The following FAM135A variants were observed in gnomAD, a reference collection of about 807,000 sequenced individuals.
FAM135A encodes the protein family with sequence similarity 135 member A.
FAM135A carries 79 observed loss-of-function variants against 146.8 expected under a neutral mutation model. That is an observed-to-expected ratio of 0.54 (90% CI 0.45 to 0.65). The LOEUF (loss-of-function observed/expected upper bound fraction) is 0.65. Among genes scored for constraint, FAM135A ranks in the 30% least tolerant of loss-of-function variants. FAM135A has a pLI of 0.00. For missense variants in FAM135A, 1,623 were observed against 1,758.2 expected (o/e 0.92, Z 1.38); for synonymous variants, 562 against 603.6 (o/e 0.93, Z 1.01).
chr6:70,438,773 C>T (rs957016200), intron 4 of FAM135A, among the ~76,000 whole-genome samples: 6 of 152,110 alleles, frequency 3.9e-5, no homozygotes, highest in African/African-American at 1.2e-4. Flanking sequence ...TTATCTGTGA[C>T]GTTGTGAAGA....
intron 11 of FAM135A, among the ~76,000 whole-genome samples, chr6:70,498,211 A>G (rs1458530723): frequency 6.6e-6 from 1 of 152,124 alleles, no homozygotes; most frequent in Non-Finnish European, 1.5e-5. Flanking sequence ...GGGAGGCTGT[A>G]TGTGTCCAGG....
intron 8 of FAM135A, among the ~76,000 whole-genome samples, chr6:70,478,866 A>G (rs2128170754): frequency 6.6e-6 from 1 of 152,124 alleles, no homozygotes; most frequent in East Asian, 1.9e-4. Context: ...ATAAACTTAA[A>G]ATTTTTTTGG....
chr6:70,510,013 T>C (rs981874698), intron 12 of FAM135A, among the ~76,000 whole-genome samples: 2 of 152,082 alleles, frequency 1.3e-5, no homozygotes, highest in Non-Finnish European at 2.9e-5. Flanking sequence ...GTCAACTTGG[T>C]GGTATAAAAT....
At chr6:70,475,053 A>G (rs1393645206) in intron 5 of FAM135A, among the ~76,000 whole-genome samples, 1 of 152,164 alleles carries the variant, frequency 6.6e-6, no homozygotes, top group African/African-American at 2.4e-5. Flanking sequence ...CTGAACTCCT[A>G]GCAACCAGTA....
intron 4 of FAM135A, among the ~76,000 whole-genome samples, chr6:70,435,702 A>G (rs529086257): frequency 3.5e-4 from 54 of 152,200 alleles, no homozygotes; most frequent in African/African-American, 1.3e-3. Context: ...TTTTAACAAA[A>G]TTATCTTAAA....
chr6:70,490,338 G>A (rs1420545861), intron 10 of FAM135A, among the ~76,000 whole-genome samples: 1 of 151,964 alleles, frequency 6.6e-6, no homozygotes, highest in African/African-American at 2.4e-5. Flanking sequence ...ATTCCTCCCT[G>A]CCAAAAATAA....
Position 70,480,888 on chromosome 6 carries a change from C to T in FAM135A, c.543-13C>T, listed in dbSNP as rs749043591. 3.7e-6 allele frequency: 6 copies of T among 1,600,472 alleles called. No homozygotes were observed. The highest frequency in any genetic ancestry group is 5.1e-6 in the Non-Finnish European group (6 of 1,175,508). Reference sequence around the variant, plus strand: ...CTCGTATGACAATAATAATGTAATACTTCTTCCTCCAGCTTTCCTCGCCCT... The same window carrying T: ...CTCGTATGACAATAATAATGTAATATTTCTTCCTCCAGCTTTCCTCGCCCT... On this transcript the variant is annotated splice_polypyrimidine_tract_variant and intron_variant, in intron 8 of 21. Coordinates refer to ENST00000418814, the MANE Select transcript of FAM135A (RefSeq NM_001162529.3).
In FAM135A at chr6:70,452,487, T is replaced by G. The variant is rs1371254855; in HGVS notation, c.78-5T>G. On this transcript the variant is annotated splice_region_variant and splice_polypyrimidine_tract_variant and intron_variant, in intron 4 of 21. Coordinates refer to ENST00000418814, the MANE Select transcript of FAM135A (RefSeq NM_001162529.3). ...GAAATAACTTCCTTGTTTATTTTGC[T>G]TTAGTTTTTACCAGATTCGTGCTTC... The G allele has an allele frequency of 6.3e-7, 1 of 1,594,444 alleles. No homozygotes were observed. The highest frequency in any genetic ancestry group is 8.5e-7 in the Non-Finnish European group (1 of 1,173,608).
chr6:70,430,346 A>AG (rs557721693), intron 4 of FAM135A, among the ~76,000 whole-genome samples: 1 of 151,164 alleles, frequency 6.6e-6, no homozygotes, highest in Non-Finnish European at 1.5e-5. Flanking sequence ...AAAAAAAAAA[A>AG]CAAAAAAAGA....
chr6:70,438,112 C>G (rs868440620), intron 4 of FAM135A, among the ~76,000 whole-genome samples: 48 of 152,058 alleles, frequency 3.2e-4, no homozygotes, highest in African/African-American at 1.0e-3. Context: ...GAAGCAGTAG[C>G]AAAAACAGAA....
At chr6:70,436,650 A>G (rs751702611) in intron 4 of FAM135A, among the ~76,000 whole-genome samples, 2 of 152,206 alleles carry the variant, frequency 1.3e-5, no homozygotes, top group African/African-American at 4.8e-5. Context: ...ATAATTGCCA[A>G]TGTGTATTCT....
chr6:70,467,211 T>G (rs1315933386), intron 5 of FAM135A, among the ~76,000 whole-genome samples: 1 of 152,124 alleles, frequency 6.6e-6, no homozygotes, highest in Admixed American at 6.5e-5. Context: ...TTGGAAACCT[T>G]TTTTCTTTGG....
chr6:70,424,255 G>A (rs1285329780), intron 2 of FAM135A, among the ~76,000 whole-genome samples: 2 of 152,156 alleles, frequency 1.3e-5, no homozygotes, highest in Non-Finnish European at 2.9e-5. Context: ...GCTACTGCAG[G>A]TTTTCCAGCT....
chr6:70,527,145 T>C (rs958157248), intron 15 of FAM135A, among the ~76,000 whole-genome samples: 2 of 152,038 alleles, frequency 1.3e-5, no homozygotes, highest in African/African-American at 2.4e-5. Flanking sequence ...ATAATATTAG[T>C]TAAATGAGTA....
chr6:70,465,144 G>A (rs1780204077), intron 5 of FAM135A, among the ~76,000 whole-genome samples: 1 of 151,954 alleles, frequency 6.6e-6, no homozygotes, highest in Non-Finnish European at 1.5e-5. Flanking sequence ...GCTTTTCTGT[G>A]ACTGGCTTAT....
Position 70,513,707 on chromosome 6 carries a change from C to G in FAM135A, c.1030-8806C>G, listed in dbSNP as rs73485122. Reference sequence around the variant, plus strand: ...TTGATTTTTGCATATTGACCTTATACTTTATTGCTTTGCTAAATTTTTTAG... The same window carrying G: ...TTGATTTTTGCATATTGACCTTATAGTTTATTGCTTTGCTAAATTTTTTAG... On this transcript the variant is annotated intron_variant, in intron 12 of 21. Coordinates refer to ENST00000418814, the MANE Select transcript of FAM135A (RefSeq NM_001162529.3). Among the ~76,000 whole-genome samples the G allele has an allele frequency of 4.1e-3, 628 of 152,124 alleles. 3 individuals are homozygous for G. Among genetic ancestry groups the G allele is most frequent in the African/African-American group, 0.015 (606 of 41,538 alleles).
intron 5 of FAM135A, among the ~76,000 whole-genome samples, chr6:70,472,803 C>T (rs370161994): frequency 2.6e-5 from 4 of 152,090 alleles, no homozygotes; most frequent in African/African-American, 4.8e-5. Flanking sequence ...TTTACAATTT[C>T]GTCATGATTA....
chr6:70,451,615 A>G (rs1232177849), intron 4 of FAM135A, among the ~76,000 whole-genome samples: 21 of 152,188 alleles, frequency 1.4e-4, no homozygotes, highest in Admixed American at 1.4e-3. Flanking sequence ...ATCTGATGCT[A>G]TATCCTTTCC....
intron 4 of FAM135A, among the ~76,000 whole-genome samples, chr6:70,449,049 A>G (rs141028915): frequency 1.1e-4 from 17 of 152,328 alleles, no homozygotes; most frequent in Non-Finnish European, 2.2e-4. Context: ...CCTGTTCCCA[A>G]CAGGTTTCTT....
Sources: gnomAD v4.1 joint callset for allele counts (sites outside exome capture counted in the v4.1 genomes callset) on GRCh38, gnomAD v4.1.1 for gene constraint, MANE v1.5 for transcripts, NCBI Gene and HGNC (gene_info 2026-07-23, HGNC 2026-07-21) for gene names.